The following BBS9 variants were observed in gnomAD, a reference collection of about 807,000 sequenced individuals.
BBS9 encodes protein PTHB1.
In BBS9, 89 loss-of-function variants were observed where a neutral mutation model predicts 117.7. That is an observed-to-expected ratio of 0.76 (90% CI 0.64 to 0.90). BBS9 has a LOEUF of 0.90. Among genes scored for constraint, BBS9 ranks in the 40% least tolerant of loss-of-function variants. BBS9 has a pLI of 0.00. For synonymous variants in BBS9, 379 were observed against 370.9 expected (o/e 1.02, Z -0.25); for missense variants, 982 against 1,042.2 (o/e 0.94, Z 0.80).
At chr7:33,505,326 A>T (rs1168905467) in intron 19 of BBS9, 137 bp from the exon 20 acceptor site, 17 of 872,098 alleles carry the variant, frequency 1.9e-5, no homozygotes, top group South Asian at 1.5e-4. Context: ...CTCTTTTATT[A>T]CTTAACATAG....
chr7:33,501,440 A>T (rs974634045), intron 19 of BBS9, among the ~76,000 whole-genome samples: 1 of 152,142 alleles, frequency 6.6e-6, no homozygotes, highest in South Asian at 2.1e-4. Flanking sequence ...CCATTTGGGG[A>T]TAGCAGACTC....
Position 33,356,190 on chromosome 7 carries a change from G to A in BBS9, c.1553-1665G>A, listed in dbSNP as rs151183641. 2.8e-3 allele frequency among the ~76,000 whole-genome samples: 431 copies of A among 151,826 alleles called. 6 individuals are homozygous for A. The highest frequency in any genetic ancestry group is 6.3e-4 in the Non-Finnish European group (43 of 67,750). On this transcript the variant is annotated intron_variant, in intron 15 of 22. Transcript: ENST00000242067. ...GATACAATCTGAAATTTTCTCTACAGTTTACTTATTGTAGAGGAAACATAC... is the reference window on the plus strand; with the variant it reads ...GATACAATCTGAAATTTTCTCTACAATTTACTTATTGTAGAGGAAACATAC...
Position 33,273,825 on chromosome 7 carries a change from A to G in BBS9, c.887-2A>G. 6.2e-7 allele frequency: 1 copy of G among 1,607,294 alleles called. No homozygotes were observed. Among genetic ancestry groups the G allele is most frequent in the Non-Finnish European group, 8.5e-7 (1 of 1,174,466 alleles). On this transcript the variant is annotated splice_acceptor_variant, in intron 8 of 22. Coordinates refer to ENST00000242067, the MANE Select transcript of BBS9 (RefSeq NM_198428.3). LOFTEE classifies it high-confidence loss of function. ...TCTCTTTTCTGTATTTTCAACTTAC[A>G]GTTTCTGAAGGAACAATAAATACTT...
intron 20 of BBS9, among the ~76,000 whole-genome samples, chr7:33,524,632 TTC>T (rs1229199942): frequency 6.6e-6 from 1 of 152,228 alleles, no homozygotes; most frequent in Non-Finnish European, 1.5e-5. Flanking sequence ...TATTTGATTC[TTC>T]TCTCTTTTTT....
intron 17 of BBS9, among the ~76,000 whole-genome samples, chr7:33,381,514 TA>T (rs536526099): frequency 2.4e-4 from 36 of 152,248 alleles, no homozygotes; most frequent in Admixed American, 2.4e-3. Context: ...AGACTAGATT[TA>T]AAAGGTTCTT....
intron 19 of BBS9, among the ~76,000 whole-genome samples, chr7:33,504,462 G>C (rs756498120): frequency 1.3e-5 from 2 of 152,044 alleles, no homozygotes; most frequent in African/African-American, 4.8e-5. Flanking sequence ...AGCCCTTTGG[G>C]CCCGTGTCAA....
chr7:33,511,937 C>T (rs918604253), intron 20 of BBS9, among the ~76,000 whole-genome samples: 3 of 152,162 alleles, frequency 2.0e-5, no homozygotes, highest in African/African-American at 7.2e-5. Context: ...TTAATGACCT[C>T]TTCTTAAAAG....
At chr7:33,190,142 C>T (rs1424326221) in intron 5 of BBS9, among the ~76,000 whole-genome samples, 2 of 116,098 alleles carry the variant, frequency 1.7e-5, no homozygotes, top group Non-Finnish European at 3.3e-5. Flanking sequence ...TTTTTTGAGA[C>T]TGAGTCTCGC....
At chr7:33,385,116 A>G (rs1450231719) in intron 18 of BBS9, among the ~76,000 whole-genome samples, 3 of 152,186 alleles carry the variant, frequency 2.0e-5, no homozygotes, top group Admixed American at 1.3e-4. Context: ...TACCAATTAT[A>G]TATTTGTAAT....
At chr7:33,255,347 C>CTTTTT (rs34214619) in intron 5 of BBS9, among the ~76,000 whole-genome samples, 4 of 134,022 alleles carry the variant, frequency 3.0e-5, no homozygotes, top group South Asian at 2.4e-4. Context: ...AGATAAGGAT[C>CTTTTT]TTTTTTTTTT....
chr7:33,234,982 A>G (rs1209956572), intron 5 of BBS9, among the ~76,000 whole-genome samples: 2 of 152,104 alleles, frequency 1.3e-5, no homozygotes, highest in African/African-American at 4.8e-5. Context: ...CATTGATGAT[A>G]TATTTTGGTT....
chr7:33,266,380 G>A (rs1028020650), intron 7 of BBS9, among the ~76,000 whole-genome samples: 8 of 152,122 alleles, frequency 5.3e-5, no homozygotes, highest in Admixed American at 1.3e-4. Context: ...AGCTTCCTGT[G>A]TTACTCACAG....
chr7:33,372,959 T>C (rs1823134537), intron 17 of BBS9, among the ~76,000 whole-genome samples: 1 of 152,222 alleles, frequency 6.6e-6, no homozygotes, highest in South Asian at 2.1e-4. Context: ...CATAACAGTT[T>C]AATGATTCCT....
chr7:33,545,331 T>C (rs564899636), intron 21 of BBS9, among the ~76,000 whole-genome samples: 7 of 152,266 alleles, frequency 4.6e-5, no homozygotes, highest in African/African-American at 1.7e-4. Context: ...ATCCCTGTGG[T>C]GCCAGGCAGA....
chr7:33,259,647 T>A (rs560966372), intron 6 of BBS9, among the ~76,000 whole-genome samples: 20 of 152,250 alleles, frequency 1.3e-4, no homozygotes, highest in African/African-American at 4.8e-4. Context: ...AGTGCTGGGA[T>A]TACTGGCATT....
chr7:33,352,926 G>A, intron 15 of BBS9, 53 bp downstream of exon 15: 1 of 1,548,622 alleles, frequency 6.5e-7, no homozygotes, highest in Non-Finnish European at 8.9e-7. Context: ...GAAATTTGAT[G>A]AATTGAATTG....
intron 4 of BBS9, among the ~76,000 whole-genome samples, chr7:33,162,323 G>GT (rs1794987017): frequency 6.6e-6 from 1 of 152,098 alleles, no homozygotes; most frequent in Non-Finnish European, 1.5e-5. Context: ...CCCATTTCTT[G>GT]TTTTTGTCAG....
At chr7:33,194,895 G>C (rs1469763140) in intron 5 of BBS9, among the ~76,000 whole-genome samples, 2 of 152,054 alleles carry the variant, frequency 1.3e-5, no homozygotes, top group East Asian at 3.8e-4. Flanking sequence ...ATATGTTGTG[G>C]TATTGCATTT....
chr7:33,448,091 G>T (rs2128910335), intron 19 of BBS9, among the ~76,000 whole-genome samples: 1 of 152,250 alleles, frequency 6.6e-6, no homozygotes, highest in East Asian at 1.9e-4. Context: ...GAAGTTGAAG[G>T]CTTCCTGCCT....
Sources: allele counts gnomAD v4.1 joint callset (sites outside exome capture counted in the v4.1 genomes callset), GRCh38; gene constraint gnomAD v4.1.1; transcripts MANE v1.5; gene names NCBI Gene and HGNC (gene_info 2026-07-23, HGNC 2026-07-21).